The following USP16 variants were observed in gnomAD, a reference collection of about 807,000 sequenced individuals.
USP16 encodes ubiquitin carboxyl-terminal hydrolase 16.
Under a neutral mutation model 95.9 loss-of-function variants are expected in USP16, and 77 were observed. The observed-to-expected ratio is 0.80, with a 90% CI of 0.67 to 0.97. The LOEUF is 0.97. Ranked by LOEUF, USP16 falls within the 50% of genes least tolerant of loss-of-function variation. The pLI, the probability that USP16 is intolerant of heterozygous loss-of-function variation, is 0.00. For synonymous variants in USP16, 303 were observed against 318.2 expected (o/e 0.95, Z 0.51); for missense variants, 943 against 959.9 (o/e 0.98, Z 0.23).
At chr21:29,041,991 A>T in intron 10 of USP16, 22 bp from the exon 11 acceptor site, 1 of 1,600,748 alleles carries the variant, frequency 6.2e-7, no homozygotes, top group Non-Finnish European at 8.5e-7. Context: ...TTGGTAATTG[A>T]TAGACTTTTT....
intron 13 of USP16, 146 bp from the exon 14 acceptor site, chr21:29,046,517 TCTTC>T (rs1025770404): frequency 1.1e-4 from 96 of 881,870 alleles, no homozygotes; most frequent in Non-Finnish European, 1.5e-4. Context: ...GAGAGTGAAC[TCTTC>T]CTTAGGAAAT....
chr21:29,037,157 G>C, intron 5 of USP16, 119 bp from the exon 6 acceptor site: 1 of 559,818 alleles, frequency 1.8e-6, no homozygotes, highest in Non-Finnish European at 2.8e-6. Flanking sequence ...AAATGGGTGG[G>C]TGGGTTGGAA....
intron 9 of USP16, 85 bp from the exon 10 acceptor site, chr21:29,040,524 C>A: frequency 2.1e-6 from 1 of 476,664 alleles, no homozygotes; most frequent in Non-Finnish European, 3.3e-6. Flanking sequence ...GTATCCTGAT[C>A]ACTTTCTTGA....
Position 29,034,827 on chromosome 21 carries a change from AT to A in USP16, c.241-3del. 6.2e-7 allele frequency: 1 copy of A among 1,613,572 alleles called. No individual in the cohort carries two copies. Among genetic ancestry groups the A allele is most frequent in the Non-Finnish European group, 8.5e-7 (1 of 1,179,686 alleles). ...TATGGCTTTGAGGTTTATGATTATG[AT>A]TTTTTTAGGGCTGTGGCAGAAATTC... On this transcript the variant is annotated splice_polypyrimidine_tract_variant and intron_variant, in intron 3 of 17. Transcript: ENST00000399976.
Position 29,027,932 on chromosome 21 carries a change from A to G in USP16, c.19A>G (p.Lys7Glu). The change falls in exon 2 of 18, where the codon AAG (lysine) becomes GAG (glutamate). Residue 7 changes from lysine to glutamate, a missense_variant. Transcript: ENST00000399976. ...TGCCAACATGGGAAAGAAACGGACA[A>G]AGGGAAAAACTGTTCCAATCGATGA... is the stretch of plus-strand genomic sequence containing the variant. The part of the protein sequence containing the change: MGKKRT[K>E]GKTVPIDDSS... 1 of 1,613,758 alleles carries G rather than the reference A, an allele frequency of 6.2e-7. No individual in the cohort carries two copies. The highest frequency in any genetic ancestry group is 8.5e-7 in the Non-Finnish European group (1 of 1,179,812).
chr21:29,048,715 G>T, intron 14 of USP16, 46 bp from the exon 15 acceptor site: 1 of 1,454,794 alleles, frequency 6.9e-7, no homozygotes, highest in Non-Finnish European at 9.6e-7. Flanking sequence ...TGCTTTAGGG[G>T]TCTAAAATGA....
At chr21:29,051,977 A>T (rs2085421919) in intron 16 of USP16, 1 of 152,218 alleles carries the variant, frequency 6.6e-6, no homozygotes, top group South Asian at 2.1e-4. Context: ...AGTAGTGGCC[A>T]TCTGGGTTTG....
Position 29,039,116 on chromosome 21 carries a change from G to T in USP16, c.823G>T (p.Val275Phe). The T allele has an allele frequency of 6.3e-7, 1 of 1,583,208 alleles. No homozygotes were observed. Among genetic ancestry groups the T allele is most frequent in the South Asian group, 1.2e-5 (1 of 86,850 alleles). The change falls in exon 8 of 18, where the codon GTT (valine) becomes TTT (phenylalanine). Residue 275 changes from valine (V) to phenylalanine (F), a missense_variant. Physicochemically the swap from Val to Phe is conservative, Grantham distance 50 (BLOSUM62 -1). Transcript: ENST00000399976. ...LNEMQETKKGVVTPKELFSQV... is the reference protein window; with the variant it reads ...LNEMQETKKGFVTPKELFSQV... ...TGAGATGCAAGAGACCAAAAAGGGG[G>T]TTGTGACACCGAAAGAACTCTTTTC... is the stretch of plus-strand genomic sequence containing the variant.
intron 6 of USP16, 119 bp from the exon 7 acceptor site, chr21:29,038,216 G>A (rs894063561): frequency 3.7e-5 from 24 of 643,210 alleles, no homozygotes; most frequent in Non-Finnish European, 6.2e-5. Context: ...CATTTTCCAA[G>A]TATAGAGTTT....
At chr21:29,027,732 A>G in intron 1 of USP16, 141 bp from the exon 2 acceptor site, 2 of 646,502 alleles carry the variant, frequency 3.1e-6, no homozygotes, top group Non-Finnish European at 5.5e-6. Context: ...TGAAAATTAG[A>G]TGATTATATG....
intron 2 of USP16, among the ~76,000 whole-genome samples, chr21:29,028,698 GTGCT>G (rs2085030994): frequency 6.6e-6 from 1 of 152,202 alleles, no homozygotes; most frequent in Non-Finnish European, 1.5e-5. Flanking sequence ...GCATCCCAAA[GTGCT>G]GGGATTACAG....
chr21:29,047,848 GA>G (rs1219945446), intron 14 of USP16, among the ~76,000 whole-genome samples: 2 of 151,368 alleles, frequency 1.3e-5, no homozygotes, highest in East Asian at 3.9e-4. Flanking sequence ...TAGAATTGTT[GA>G]AACATTTTAA....
rs180763932 is a variant in USP16, at chr21:29,034,399, G to A, written c.241-438G>A. 2.6e-3 allele frequency among the ~76,000 whole-genome samples: 394 copies of A among 150,534 alleles called. 4 individuals carry two copies. The highest frequency in any genetic ancestry group is 0.017 in the South Asian group (80 of 4,738). ...GTGATCTTGGCTCACTGCAACCTCC[G>A]CCTCCTGAGTTCAAGCAGTTCTCCT... On this transcript the variant is annotated intron_variant, in intron 3 of 17. Transcript: ENST00000399976.
intron 13 of USP16, among the ~76,000 whole-genome samples, 165 bp downstream of exon 13, chr21:29,043,764 C>A (rs1486325769): frequency 1.3e-5 from 2 of 152,022 alleles, no homozygotes; most frequent in Non-Finnish European, 2.9e-5. Context: ...AGGGAAATTG[C>A]TTTGAGTATA....
In USP16 at chr21:29,039,682, T is replaced by C. The variant is rs2085215942; in HGVS notation, c.951+114T>C. ...GCTAGTTATTAAGGCCATCATACTT[T>C]AAAATTTTTTCTTACACCAGCTTTT... On this transcript the variant is annotated intron_variant, in intron 9 of 17. Coordinates refer to ENST00000399976, the MANE Select transcript of USP16 (RefSeq NM_006447.3). 4 of 1,033,202 alleles carry C rather than the reference T, an allele frequency of 3.9e-6. No individual in the cohort carries two copies. In the South Asian group the frequency reaches 7.6e-5, roughly 20 times the overall value. The allele number at this position is 1,033,202 out of a possible 1,614,324, so 64.0% of individuals were successfully genotyped here.
intron 16 of USP16, among the ~76,000 whole-genome samples, chr21:29,051,624 A>C (rs1176872655): frequency 6.6e-6 from 1 of 152,212 alleles, no homozygotes; most frequent in African/African-American, 2.4e-5. Context: ...TGAGGTGAGG[A>C]GTTCGAGACC....
intron 15 of USP16, 78 bp downstream of exon 15, chr21:29,048,933 C>A: frequency 1.9e-6 from 2 of 1,076,548 alleles, no homozygotes; most frequent in Non-Finnish European, 2.7e-6. Flanking sequence ...ACTGTCTCAA[C>A]ATACTACTTT....
rs2085403672 is a variant in USP16 at position 29,050,899 on chromosome 21, T to G, written c.2193+721T>G. On this transcript the variant is annotated intron_variant, in intron 16 of 17. Transcript: ENST00000399976. ...ATGACGTAGGTTACTTGTTGATGTA[T>G]GAAGGCTGAATTTTAGGACGGAAAG... Among the ~76,000 whole-genome samples, 3 of 152,190 alleles carry G rather than the reference T, an allele frequency of 2.0e-5. No individual in the cohort carries two copies. The South Asian group carries it at 6.2e-4, about 31-fold the overall frequency.
At chr21:29,046,483 A>G (rs2085324762) in intron 13 of USP16, among the ~76,000 whole-genome samples, 184 bp from the exon 14 acceptor site, 1 of 152,108 alleles carries the variant, frequency 6.6e-6, no homozygotes, top group African/African-American at 2.4e-5. Flanking sequence ...TTGATAGCAA[A>G]GGAACTTTTT....
Sources: gnomAD v4.1 joint callset for allele counts (sites outside exome capture counted in the v4.1 genomes callset) on GRCh38, gnomAD v4.1.1 for gene constraint, MANE v1.5 for transcripts, NCBI Gene and HGNC (gene_info 2026-07-23, HGNC 2026-07-21) for gene names.